HNMT: variants seen among roughly 807,000 people sequenced by gnomAD.
HNMT encodes histamine N-methyltransferase.
In HNMT, 30 loss-of-function variants were observed where a neutral mutation model predicts 32.1. The ratio of observed to expected loss-of-function variants is 0.93; its 90% CI spans 0.70 to 1.27. The LOEUF is 1.27. Ranked by LOEUF, HNMT falls within the 50% of genes most tolerant of loss-of-function variation. The pLI is 0.00. For synonymous variants in HNMT, 125 were observed against 119.0 expected (o/e 1.05, Z -0.33); for missense variants, 327 against 346.0 (o/e 0.95, Z 0.43).
At chr2:137,972,509 A>G (rs1215922050) in intron 2 of HNMT, among the ~76,000 whole-genome samples, 7 of 152,204 alleles carry the variant, frequency 4.6e-5, no homozygotes, top group African/African-American at 1.7e-4. Flanking sequence ...CTTTATTATC[A>G]TCTTTCACCA....
intron 2 of HNMT, among the ~76,000 whole-genome samples, chr2:137,979,395 C>G (rs952342345): frequency 2.6e-5 from 4 of 151,900 alleles, no homozygotes; most frequent in African/African-American, 4.8e-5. Flanking sequence ...CTCAGCCTCC[C>G]GCGTAGCTGG....
At chr2:138,007,633 A>T (rs1392409268) in intron 5 of HNMT, among the ~76,000 whole-genome samples, 15 of 151,980 alleles carry the variant, frequency 9.9e-5, no homozygotes, top group Non-Finnish European at 4.4e-5. Context: ...GGTGATTGCC[A>T]TCCACTGTGT....
chr2:137,983,824 A>G (rs1680573130), intron 2 of HNMT, among the ~76,000 whole-genome samples: 1 of 152,242 alleles, frequency 6.6e-6, no homozygotes. Flanking sequence ...AGTTGTCTCC[A>G]GTAAAGGAGA....
At chr2:137,989,276 G>A (rs533153610) in intron 2 of HNMT, among the ~76,000 whole-genome samples, 6 of 152,194 alleles carry the variant, frequency 3.9e-5, no homozygotes, top group African/African-American at 1.4e-4. Flanking sequence ...TCTTTTCACT[G>A]TTTCCATAAT....
At chr2:137,969,318 G>GA (rs1680053603) in intron 1 of HNMT, among the ~76,000 whole-genome samples, 1 of 152,120 alleles carries the variant, frequency 6.6e-6, no homozygotes, top group African/African-American at 2.4e-5. Context: ...TTCTAGCACT[G>GA]ACCATTACTT....
chr2:138,010,583 G>C (rs914734866), intron 5 of HNMT, among the ~76,000 whole-genome samples: 3 of 151,782 alleles, frequency 2.0e-5, no homozygotes, highest in African/African-American at 7.3e-5. Context: ...AGAATTAAAT[G>C]ACAACATTTA....
intron 2 of HNMT, among the ~76,000 whole-genome samples, chr2:137,983,885 C>T (rs1238055259): frequency 2.0e-5 from 3 of 152,144 alleles, no homozygotes; most frequent in African/African-American, 4.8e-5. Context: ...GAAAATTTTC[C>T]TTCCATTTGC....
chr2:137,975,385 G>A (rs1328348164), intron 2 of HNMT, among the ~76,000 whole-genome samples: 3 of 152,116 alleles, frequency 2.0e-5, no homozygotes, highest in African/African-American at 4.8e-5. Context: ...TGTAAAAGGA[G>A]GGGGGCCACA....
At chr2:137,977,384 C>T (rs1448501667) in intron 2 of HNMT, among the ~76,000 whole-genome samples, 1 of 152,062 alleles carries the variant, frequency 6.6e-6, no homozygotes, top group Non-Finnish European at 1.5e-5. Context: ...TTAATATACA[C>T]AGTCATGCAA....
chr2:138,011,951 A>G (rs904626826), intron 5 of HNMT, among the ~76,000 whole-genome samples: 2 of 152,126 alleles, frequency 1.3e-5, no homozygotes, highest in Admixed American at 6.6e-5. Context: ...ATACTCAGGC[A>G]GTTGGGTTTT....
chr2:137,997,136 C>T (rs1295012153), intron 2 of HNMT, among the ~76,000 whole-genome samples: 1 of 152,066 alleles, frequency 6.6e-6, no homozygotes, highest in Non-Finnish European at 1.5e-5. Flanking sequence ...GACAAAAATG[C>T]CAAAAGCAAT....
rs1351694207 is a variant in HNMT at position 137,978,443 on chromosome 2, G to T, written c.190+8226G>T. Reference sequence around the variant, plus strand: ...ATATAGTATTATATACAATACATATGATTAGATAATATAGTATTATACAAT... The same window carrying T: ...ATATAGTATTATATACAATACATATTATTAGATAATATAGTATTATACAAT... On this transcript the variant is annotated intron_variant, in intron 2 of 5. Transcript: ENST00000280097. 2.1e-5 allele frequency among the ~76,000 whole-genome samples: 3 copies of T among 141,672 alleles called. 1 individual carries two copies. The Admixed American group carries it at 2.1e-4, about 10-fold the overall frequency. The allele number at this position is 141,672 out of a possible 152,430, so 92.9% of individuals were successfully genotyped here.
chr2:137,980,611 T>C (rs1391995692), intron 2 of HNMT, among the ~76,000 whole-genome samples: 1 of 152,224 alleles, frequency 6.6e-6, no homozygotes, highest in Non-Finnish European at 1.5e-5. Flanking sequence ...TTGTGTTTTG[T>C]AGAACATTTT....
chr2:137,970,050 GGCC>G (rs1453968264), intron 1 of HNMT, 112 bp from the exon 2 acceptor site: 35 of 556,726 alleles, frequency 6.3e-5, no homozygotes, highest in African/African-American at 6.0e-4. Flanking sequence ...ATTTCATGTT[GGCC>G]TAGTTTTCAT....
chr2:137,992,584 G>A (rs1231436613), intron 2 of HNMT, among the ~76,000 whole-genome samples: 1 of 152,140 alleles, frequency 6.6e-6, no homozygotes, highest in Non-Finnish European at 1.5e-5. Context: ...GTCCCTAGGG[G>A]GAGGGATGGC....
chr2:137,987,601 C>CTTTTTTTTTTTTTT (rs5834598), intron 2 of HNMT, among the ~76,000 whole-genome samples: 1 of 70,238 alleles, frequency 1.4e-5, no homozygotes, highest in Non-Finnish European at 2.5e-5. Flanking sequence ...ACAATGGCCA[C>CTTTTTTTTTTTTTT]TTTTTTTTTT....
intron 3 of HNMT, among the ~76,000 whole-genome samples, chr2:138,001,654 C>T (rs576555474): frequency 2.0e-5 from 3 of 152,052 alleles, no homozygotes; most frequent in African/African-American, 7.2e-5. Context: ...GGAAGTAGAA[C>T]GATATATGTT....
intron 1 of HNMT, among the ~76,000 whole-genome samples, chr2:137,966,243 T>G (rs1252246014): frequency 6.6e-6 from 1 of 152,200 alleles, no homozygotes; most frequent in Non-Finnish European, 1.5e-5. Flanking sequence ...TGCCATATTT[T>G]AAAACATCAA....
At chr2:138,003,569 G>C (rs1681245771) in intron 4 of HNMT, among the ~76,000 whole-genome samples, 1 of 152,040 alleles carries the variant, frequency 6.6e-6, no homozygotes, top group Non-Finnish European at 1.5e-5. Context: ...TCACTGTCCA[G>C]GATGCCAAGA....
Sources: gnomAD v4.1 joint callset for allele counts (sites outside exome capture counted in the v4.1 genomes callset) on GRCh38, gnomAD v4.1.1 for gene constraint, MANE v1.5 for transcripts, NCBI Gene and HGNC (gene_info 2026-07-23, HGNC 2026-07-21) for gene names.